MACROD1: variants seen among roughly 807,000 people sequenced by gnomAD.
MACROD1 encodes mono-ADP ribosylhydrolase 1.
A neutral mutation model predicts 41.4 loss-of-function variants in MACROD1; 31 were observed. The ratio of observed to expected loss-of-function variants is 0.75; its 90% CI spans 0.56 to 1.01. The LOEUF (loss-of-function observed/expected upper bound fraction) is 1.01, where lower values mean the gene tolerates loss of function less well. MACROD1 is among the 50% of genes least tolerant of loss of function. The pLI is 0.00. For synonymous variants in MACROD1, 252 were observed against 203.4 expected (o/e 1.24, Z -2.03); for missense variants, 473 against 460.0 (o/e 1.03, Z -0.26).
intron 1 of MACROD1, among the ~76,000 whole-genome samples, chr11:64,160,405 T>G (rs1253531459): frequency 6.6e-6 from 1 of 152,200 alleles, no homozygotes; most frequent in Non-Finnish European, 1.5e-5. Context: ...GTTTGGTTAC[T>G]GTGTGCCAGG....
intron 3 of MACROD1, among the ~76,000 whole-genome samples, chr11:64,136,815 G>C (rs1434818237): frequency 6.6e-6 from 1 of 152,258 alleles, no homozygotes; most frequent in African/African-American, 2.4e-5. Context: ...AGAATCGGGA[G>C]ATGGGGATCT....
At chr11:64,038,097 C>T (rs1242512317) in intron 3 of MACROD1, among the ~76,000 whole-genome samples, 4 of 152,162 alleles carry the variant, frequency 2.6e-5, no homozygotes, top group Non-Finnish European at 4.4e-5. Flanking sequence ...GCCCTGTGTC[C>T]CCTCCTCCCC....
chr11:64,080,179 ATTTTTGTAT>A (rs1386351953), intron 3 of MACROD1, among the ~76,000 whole-genome samples: 1 of 151,998 alleles, frequency 6.6e-6, no homozygotes, highest in Admixed American at 6.6e-5. Context: ...TGCCTGGCTA[ATTTTTGTAT>A]TTTTAGTAGA....
intron 3 of MACROD1, among the ~76,000 whole-genome samples, chr11:64,022,213 G>T (rs1440359612): frequency 6.6e-6 from 1 of 152,056 alleles, no homozygotes; most frequent in East Asian, 1.9e-4. Flanking sequence ...ACAGGGAAGG[G>T]ACTGGGGGCA....
In MACROD1 at chr11:64,165,932, G is replaced by C. The variant is rs373745667; in HGVS notation, c.63C>G (p.Leu21=). The change falls in exon 1 of 11, where the codon CTC becomes CTG. Residue 21 remains leucine, a synonymous_variant. Coordinates refer to ENST00000255681, the MANE Select transcript of MACROD1 (RefSeq NM_014067.4). ...GTCCGGGCCGGGGGCGCGGGGGGAC[G>C]AGCAGCTGCCCCGCCGCGCGCAGCT... The part of the protein sequence containing the change: ...LAQLRAAGQL[L]VPPRPRPGHL... 6.4e-5 allele frequency: 85 copies of C among 1,324,338 alleles called. 1 individual carries two copies. The South Asian group carries it at 1.7e-3, about 26-fold the overall frequency. The allele number at this position is 1,324,338 out of a possible 1,614,324, so 82.0% of individuals were successfully genotyped here. A position where few individuals can be genotyped will look rare whatever the true frequency, so the allele number is the denominator to read the frequency against.
In MACROD1 at chr11:64,146,672, C is replaced by T. The variant is rs1945500163; in HGVS notation, c.517+4567G>A. ...CCAACCTCCCACCTCACTCCCACCA[C>T]ATCCCATACAAACACACATCACACC... On this transcript the variant is annotated intron_variant, in intron 3 of 10. Coordinates refer to ENST00000255681, the MANE Select transcript of MACROD1 (RefSeq NM_014067.4). The surrounding 1 kb of genome is among the most constrained non-coding windows in gnomAD (Gnocchi z 4.7). Among the ~76,000 whole-genome samples the T allele has an allele frequency of 6.6e-6, 1 of 152,110 alleles. No homozygotes were observed. Among genetic ancestry groups the T allele is most frequent in the African/African-American group, 2.4e-5 (1 of 41,412 alleles).
chr11:64,049,272 G>A (rs1366531581), intron 3 of MACROD1, among the ~76,000 whole-genome samples: 6 of 152,162 alleles, frequency 3.9e-5, no homozygotes, highest in Non-Finnish European at 8.8e-5. Context: ...GAGGCACAGA[G>A]AAGCGAAAAA....
At chr11:64,111,173 G>A (rs1280477978) in intron 3 of MACROD1, among the ~76,000 whole-genome samples, 1 of 152,250 alleles carries the variant, frequency 6.6e-6, no homozygotes, top group Non-Finnish European at 1.5e-5. Context: ...TCCATACCAG[G>A]GAATGCGGTG....
chr11:64,159,337 A>T (rs1266939044), intron 1 of MACROD1, among the ~76,000 whole-genome samples: 18 of 150,440 alleles, frequency 1.2e-4, no homozygotes, highest in Non-Finnish European at 1.9e-4. Context: ...AAAAAAAAAA[A>T]AATACAAAAA....
At position 64,163,298 on chromosome 11, in the gene MACROD1, C is replaced by CA. The variant is rs1325530001; in HGVS notation, c.298+2398dup. Among the ~76,000 whole-genome samples, 8 of 151,948 alleles carry CA rather than the reference C, an allele frequency of 5.3e-5. No individual in the cohort carries two copies. The East Asian group carries it at 1.5e-3, about 29-fold the overall frequency. ...CTGGACAAAAAGAGTGAAACTGTCT[C>CA]AAAAAAAAATTTTTTTAAGAAAATA... On this transcript the variant is annotated intron_variant, in intron 1 of 10. Coordinates refer to ENST00000255681, the MANE Select transcript of MACROD1 (RefSeq NM_014067.4).
At chr11:64,086,205 AGG>A (rs1398888459) in intron 3 of MACROD1, among the ~76,000 whole-genome samples, 4 of 152,068 alleles carry the variant, frequency 2.6e-5, no homozygotes, top group Non-Finnish European at 5.9e-5. Flanking sequence ...AGTGGGGAGG[AGG>A]GGCTTAGCTC....
chr11:64,082,428 G>T lies in MACROD1; in HGVS notation c.518-67147C>A, dbSNP rs577772517. Among the ~76,000 whole-genome samples, 1 of 152,124 alleles carries T rather than the reference G, an allele frequency of 6.6e-6. No individual in the cohort carries two copies. The highest frequency in any genetic ancestry group is 2.4e-5 in the African/African-American group (1 of 41,516). ...AAGTGGGGGCGTCCTAAGGTGAGGG[G>T]CAGGCAGGTGAGGGGCTTGAGGGCA... On this transcript the variant is annotated intron_variant, in intron 3 of 10. Transcript: ENST00000255681. The surrounding 1 kb of genome is among the most constrained non-coding windows in gnomAD (Gnocchi z 4.5).
chr11:64,068,933 A>G (rs1944055794), intron 3 of MACROD1, among the ~76,000 whole-genome samples: 1 of 152,250 alleles, frequency 6.6e-6, no homozygotes, highest in Non-Finnish European at 1.5e-5. Context: ...CCCACCCCAG[A>G]GTGGCCCAGG....
chr11:64,084,145 G>C (rs1462197680), intron 3 of MACROD1, among the ~76,000 whole-genome samples: 2 of 152,204 alleles, frequency 1.3e-5, no homozygotes, highest in African/African-American at 4.8e-5. Flanking sequence ...CTGTACATGA[G>C]TGCATGGCAC....
In MACROD1 at chr11:64,090,832, C is replaced by T. The variant is rs1178176265; in HGVS notation, c.517+60407G>A. Among the ~76,000 whole-genome samples the T allele has an allele frequency of 2.6e-5, 4 of 152,006 alleles. No individual in the cohort carries two copies. The highest frequency in any genetic ancestry group is 3.9e-4 in the East Asian group (2 of 5,158). ...GGCTCTGCAGAAGCAGAGCCCGAGT[C>T]GGGTCCAGCCCTGCACTCCCAGGGA... On this transcript the variant is annotated intron_variant, in intron 3 of 10. Transcript: ENST00000255681. The surrounding 1 kb of genome is among the most constrained non-coding windows in gnomAD (Gnocchi z 4.7).
intron 4 of MACROD1, among the ~76,000 whole-genome samples, chr11:64,002,671 C>A (rs573082002): frequency 3.3e-5 from 5 of 152,196 alleles, no homozygotes; most frequent in South Asian, 2.1e-4. Flanking sequence ...GGAACCCCCC[C>A]ACCCTGCTCT....
chr11:64,072,139 G>T (rs547416395), intron 3 of MACROD1, among the ~76,000 whole-genome samples: 1 of 152,356 alleles, frequency 6.6e-6, no homozygotes, highest in Admixed American at 6.5e-5. Flanking sequence ...GCAGCCAGGG[G>T]TGGGAGTGAG....
chr11:64,035,798 G>A (rs1943366520), intron 3 of MACROD1, among the ~76,000 whole-genome samples: 1 of 111,252 alleles, frequency 9.0e-6, no homozygotes, highest in South Asian at 3.1e-4. Context: ...CGCGAGGGGA[G>A]AGGCGGCCGC....
intron 3 of MACROD1, among the ~76,000 whole-genome samples, chr11:64,108,912 G>A (rs1326515751): frequency 6.6e-6 from 1 of 152,200 alleles, no homozygotes; most frequent in African/African-American, 2.4e-5. Context: ...CAGGCCACAT[G>A]GGCAGCCAGA....
Sources: gnomAD v4.1 joint callset for allele counts (sites outside exome capture counted in the v4.1 genomes callset) on GRCh38, gnomAD v4.1.1 for gene constraint, Gnocchi (gnomAD v3.1) non-coding constraint, MANE v1.5 for transcripts, NCBI Gene and HGNC (gene_info 2026-07-23, HGNC 2026-07-21) for gene names.